The following SOHLH1 variants were observed in gnomAD, a reference collection of about 807,000 sequenced individuals.
SOHLH1 encodes spermatogenesis- and oogenesis-specific basic helix-loop-helix-containing protein 1.
Under a neutral mutation model 36.2 loss-of-function variants are expected in SOHLH1, and 23 were observed. The observed-to-expected ratio is 0.64, with a 90% CI of 0.46 to 0.90. The LOEUF is 0.90. Ranked by LOEUF, SOHLH1 falls within the 40% of genes least tolerant of loss-of-function variation. SOHLH1 has a pLI of 0.00. For missense variants in SOHLH1, 608 were observed against 517.0 expected, an observed-to-expected ratio of 1.18 and a Z score of -1.71; for synonymous variants, 289 against 228.3, an observed-to-expected ratio of 1.27 and a Z score of -2.40.
chr9:135,699,624 C>T (rs114047146), upstream of SOHLH1: 3 of 779,488 alleles, frequency 3.8e-6, no homozygotes, highest in Non-Finnish European at 6.4e-6. Flanking sequence ...TCTAGCCCTC[C>T]CCACGCAGCC....
chr9:135,701,656 T>G (rs1472870041), upstream of SOHLH1, among the ~76,000 whole-genome samples: 1 of 143,896 alleles, frequency 6.9e-6, no homozygotes, highest in South Asian at 2.5e-4. Flanking sequence ...GTCATCCCCC[T>G]CCCCCAGGCC....
intron 6 of SOHLH1, among the ~76,000 whole-genome samples, 162 bp from the exon 7 acceptor site, chr9:135,694,619 CCACAGCCGCTGAGGA>C (rs995732480): frequency 6.6e-6 from 1 of 152,160 alleles, no homozygotes; most frequent in African/African-American, 2.4e-5. Flanking sequence ...AATGCAGAGG[CCACAGCCGCTGAGGA>C]CACGGGCCAG....
chr9:135,695,021 A>G lies in SOHLH1; in HGVS notation c.875+29T>C, dbSNP rs779957567. 1.1e-4 allele frequency: 167 copies of G among 1,563,152 alleles called. 2 individuals carry two copies. In the Middle Eastern group the frequency reaches 2.7e-3, roughly 26 times the overall value. ...CACACACATGCTCGCTCACGCACAC[A>G]CAGGCGTGCACACCACCTGGGCACT... On this transcript the variant is annotated intron_variant, in intron 6 of 7. Coordinates refer to ENST00000425225, the MANE Select transcript of SOHLH1 (RefSeq NM_001101677.2).
At chr9:135,701,392 A>G (rs1405910334), upstream of SOHLH1, among the ~76,000 whole-genome samples, 2 of 152,168 alleles carry the variant, frequency 1.3e-5, no homozygotes, top group African/African-American at 4.8e-5. Context: ...GTCCTGGCTT[A>G]GTGAGGGGCC....
At position 135,697,640 on chromosome 9, in the gene SOHLH1, T is replaced by A; in HGVS notation, c.346-13A>T. ...AGGAAGCAAGAATCTGAAATTTAAG[T>A]AAACATGTAAAACAAAGACAGAGAC... On this transcript the variant is annotated splice_polypyrimidine_tract_variant and intron_variant, in intron 3 of 7. Coordinates refer to ENST00000425225, the MANE Select transcript of SOHLH1 (RefSeq NM_001101677.2). 1 of 1,608,504 alleles carries A rather than the reference T, an allele frequency of 6.2e-7. No individual in the cohort carries two copies. Among genetic ancestry groups the A allele is most frequent in the Non-Finnish European group, 8.5e-7 (1 of 1,177,588 alleles).
Position 135,693,589 on chromosome 9 carries a change from C to T in SOHLH1, c.*8G>A. 1 of 1,559,200 alleles carries T rather than the reference C, an allele frequency of 6.4e-7. No individual in the cohort carries two copies. The highest frequency in any genetic ancestry group is 8.7e-7 in the Non-Finnish European group (1 of 1,150,940). ...GGCCCCGCCCGCCTCCTCTCCACAG[C>T]CTGGCTGCTAGCAGGCAAAGAAGTC... On this transcript the variant is annotated 3_prime_UTR_variant, in exon 8 of 8. Transcript: ENST00000425225.
chr9:135,696,255 C>A (rs967374167), intron 5 of SOHLH1, among the ~76,000 whole-genome samples: 1 of 60,250 alleles, frequency 1.7e-5, no homozygotes, highest in Non-Finnish European at 5.0e-5. Flanking sequence ...TCCCAGCAGA[C>A]CCAGGGACCC....
At chr9:135,697,119 G>C (rs990693094) in intron 4 of SOHLH1, among the ~76,000 whole-genome samples, 1 of 152,206 alleles carries the variant, frequency 6.6e-6, no homozygotes, top group African/African-American at 2.4e-5. Flanking sequence ...TCAACCTGGG[G>C]AGCTGCCATT....
At chr9:135,694,015 C>CG in intron 7 of SOHLH1, 1 of 1,427,142 alleles carries the variant, frequency 7.0e-7, no homozygotes, top group Non-Finnish European at 9.1e-7. Context: ...GAACCAGGAA[C>CG]GGGCTCCCAA....
At chr9:135,701,544 CT>C (rs1310336685), upstream of SOHLH1, among the ~76,000 whole-genome samples, 1 of 152,252 alleles carries the variant, frequency 6.6e-6, no homozygotes, top group East Asian at 1.9e-4. Context: ...GGACCCTCTG[CT>C]TCCTAGTCTT....
upstream of SOHLH1, among the ~76,000 whole-genome samples, chr9:135,701,230 C>G (rs1313504008): frequency 6.6e-6 from 1 of 152,204 alleles, no homozygotes; most frequent in African/African-American, 2.4e-5. Context: ...GTTCCCCACC[C>G]ACCCCTCAAA....
chr9:135,699,905 G>A (rs1322424741), upstream of SOHLH1, among the ~76,000 whole-genome samples: 1 of 152,026 alleles, frequency 6.6e-6, no homozygotes, highest in African/African-American at 2.4e-5. Flanking sequence ...TTTAGCCCAG[G>A]CCTGGGGGAC....
At position 135,697,586 on chromosome 9, in the gene SOHLH1, C is replaced by G. The variant is rs752267463; in HGVS notation, c.387G>C (p.Glu129Asp). The G allele has an allele frequency of 5.6e-5, 91 of 1,612,458 alleles. No individual in the cohort carries two copies. The highest frequency in any genetic ancestry group is 1.6e-4 in the Middle Eastern group (1 of 6,082). Residue 129 changes from glutamate (E) to aspartate (D), a missense_variant, in exon 4 of 8, where the codon GAG becomes GAC. Glu to Asp is a conservative substitution (Grantham distance 45). Coordinates refer to ENST00000425225, the MANE Select transcript of SOHLH1 (RefSeq NM_001101677.2). ...SSKEMWHSLQ[E>D]DVLQLTLSSQ... is the part of the protein sequence containing the mutation. ...TCGACAACGTCAACTGTAAAACATC[C>G]TCCTGCAACGAGTGCCACATTTCCT...
intron 2 of SOHLH1, 85 bp from the exon 3 acceptor site, chr9:135,698,561 A>G: frequency 6.3e-7 from 1 of 1,591,982 alleles, no homozygotes; most frequent in Non-Finnish European, 8.6e-7. Flanking sequence ...TGCCAGATAG[A>G]CCCTGGGCGC....
intron 4 of SOHLH1, 89 bp from the exon 5 acceptor site, chr9:135,696,894 A>G: frequency 7.0e-7 from 1 of 1,431,588 alleles, no homozygotes; most frequent in Admixed American, 1.9e-5. Flanking sequence ...AGAGGGCTGG[A>G]CCCATCCCCA....
upstream of SOHLH1, chr9:135,699,542 G>T: frequency 2.0e-6 from 3 of 1,483,870 alleles, no homozygotes; most frequent in Non-Finnish European, 2.8e-6. Context: ...CGTGTGCTCT[G>T]CCCACCTGCC....
upstream of SOHLH1, among the ~76,000 whole-genome samples, chr9:135,701,486 G>A (rs1588238026): frequency 1.3e-5 from 2 of 152,376 alleles, no homozygotes; most frequent in East Asian, 1.9e-4. Context: ...CCAGGGTGAC[G>A]CATGTGTAAC....
At chr9:135,693,927 T>A in intron 7 of SOHLH1, 113 bp from the exon 8 acceptor site, 1 of 1,457,440 alleles carries the variant, frequency 6.9e-7, no homozygotes, top group Non-Finnish European at 9.1e-7. Context: ...CCCTGCCCTG[T>A]CCCCGCTGCA....
chr9:135,699,400 C>T lies in SOHLH1; in HGVS notation c.65+3G>A. 2 of 1,611,312 alleles carry T rather than the reference C, an allele frequency of 1.2e-6. No homozygotes were observed. The highest frequency in any genetic ancestry group is 1.7e-6 in the Non-Finnish European group (2 of 1,179,448). ...CCCCTTGGCCGCCAGCCCAATTCCT[C>T]ACTTGCATCCCCTGACGGTAGGGAT... is the stretch of plus-strand genomic sequence containing the variant. On this transcript the variant is annotated splice_donor_region_variant and intron_variant, in intron 1 of 7. Transcript: ENST00000425225.
Sources: allele counts gnomAD v4.1 joint callset (sites outside exome capture counted in the v4.1 genomes callset), GRCh38; gene constraint gnomAD v4.1.1; transcripts MANE v1.5; gene names NCBI Gene and HGNC (gene_info 2026-07-23, HGNC 2026-07-21).